Variants in MAP3K13 observed in about 807,000 individuals in gnomAD.
MAP3K13 encodes mitogen-activated protein kinase kinase kinase 13, also known as leucine zipper-bearing kinase.
In MAP3K13, 52 loss-of-function variants were observed where a neutral mutation model predicts 104.0. The observed-to-expected ratio is 0.50, with a 90% CI of 0.40 to 0.63. MAP3K13 has a LOEUF of 0.63. MAP3K13 is among the 20% of genes least tolerant of loss of function. MAP3K13 has a pLI of 0.00. For synonymous variants in MAP3K13, 394 were observed against 442.2 expected, an observed-to-expected ratio of 0.89 and a Z score of 1.37; for missense variants, 914 against 1,218.5, an observed-to-expected ratio of 0.75 and a Z score of 3.72.
At chr3:185,427,012 G>A (rs369805785) in intron 1 of MAP3K13, among the ~76,000 whole-genome samples, 8 of 152,182 alleles carry the variant, frequency 5.3e-5, no homozygotes, top group South Asian at 2.1e-4. Flanking sequence ...GTGAAGGAAG[G>A]AATGACTGTT....
At chr3:185,334,601 T>C (rs1289991652) in intron 2 of MAP3K13, among the ~76,000 whole-genome samples, 1 of 62,370 alleles carries the variant, frequency 1.6e-5, no homozygotes, top group African/African-American at 4.2e-5. Context: ...ACAATGGATT[T>C]TCTTTTTTTT....
chr3:185,332,230 C>CA (rs1722312826), intron 2 of MAP3K13, among the ~76,000 whole-genome samples: 1 of 151,090 alleles, frequency 6.6e-6, no homozygotes, highest in South Asian at 2.1e-4. Flanking sequence ...GTGTACTCCC[C>CA]CCCCCCATTA....
intron 2 of MAP3K13, among the ~76,000 whole-genome samples, chr3:185,437,017 AAAAAAAAAAAAAAAAT>A (rs1173263267): frequency 3.3e-5 from 5 of 149,966 alleles, no homozygotes; most frequent in Non-Finnish European, 7.4e-5. Flanking sequence ...AAAAAAAAAA[AAAAAAAAAAAAAAAAT>A]TAGCAAAGAT....
chr3:185,433,698 C>T (rs756060474), intron 2 of MAP3K13, among the ~76,000 whole-genome samples: 81 of 152,108 alleles, frequency 5.3e-4, no homozygotes, highest in Non-Finnish European at 1.0e-3. Context: ...CTTTATTTTT[C>T]TATGGATAAT....
intron 2 of MAP3K13, among the ~76,000 whole-genome samples, chr3:185,314,113 C>A (rs145229815): frequency 6.6e-6 from 1 of 152,190 alleles, no homozygotes; most frequent in Non-Finnish European, 1.5e-5. Context: ...GCTGACATTG[C>A]GAATCCTGCA....
chr3:185,396,682 A>G (rs138487377), intron 1 of MAP3K13, among the ~76,000 whole-genome samples: 1 of 152,214 alleles, frequency 6.6e-6, no homozygotes, highest in Admixed American at 6.5e-5. Context: ...GTTCCTAAGG[A>G]CATAGGCCGA....
chr3:185,382,926 G>A (rs1007403350), intron 1 of MAP3K13, among the ~76,000 whole-genome samples: 1 of 151,326 alleles, frequency 6.6e-6, no homozygotes, highest in African/African-American at 2.4e-5. Flanking sequence ...TTAGTTACAT[G>A]TGTATACATG....
intron 4 of MAP3K13, 48 bp downstream of exon 4, chr3:185,443,684 A>C: frequency 6.5e-7 from 1 of 1,542,026 alleles, no homozygotes; most frequent in Admixed American, 1.7e-5. Context: ...GTTGTTTTGA[A>C]ATACAGAATT....
intron 1 of MAP3K13, among the ~76,000 whole-genome samples, chr3:185,414,692 G>T (rs1713643177): frequency 2.0e-5 from 3 of 152,128 alleles, no homozygotes; most frequent in Admixed American, 1.3e-4. Context: ...TGTTACTGAT[G>T]CTCTTCAACA....
intron 1 of MAP3K13, among the ~76,000 whole-genome samples, chr3:185,390,765 A>G (rs1711999132): frequency 6.6e-6 from 1 of 151,030 alleles, no homozygotes; most frequent in Non-Finnish European, 1.5e-5. Flanking sequence ...CTGGGACTAC[A>G]GGCGCCCACC....
At chr3:185,422,926 A>G (rs1447348368) in intron 1 of MAP3K13, among the ~76,000 whole-genome samples, 1 of 152,054 alleles carries the variant, frequency 6.6e-6, no homozygotes, top group Non-Finnish European at 1.5e-5. Flanking sequence ...CCTGAGCTCC[A>G]CCTCCTGTCA....
intron 2 of MAP3K13, among the ~76,000 whole-genome samples, chr3:185,331,630 T>C (rs929036116): frequency 3.3e-5 from 5 of 152,128 alleles, no homozygotes; most frequent in African/African-American, 1.2e-4. Context: ...GGTAAATCGT[T>C]GTATGACAAC....
intron 1 of MAP3K13, among the ~76,000 whole-genome samples, chr3:185,410,150 G>A (rs1159319497): frequency 1.3e-5 from 2 of 152,186 alleles, no homozygotes; most frequent in African/African-American, 4.8e-5. Context: ...CTGCTGTGCA[G>A]CCTGGTTCTT....
chr3:185,457,405 G>A (rs150919130), intron 7 of MAP3K13, among the ~76,000 whole-genome samples: 1 of 152,350 alleles, frequency 6.6e-6, no homozygotes, highest in East Asian at 1.9e-4. Context: ...TCTGGAGACT[G>A]AGAAGTCCAA....
intron 1 of MAP3K13, among the ~76,000 whole-genome samples, chr3:185,419,814 T>C (rs1187407220): frequency 6.6e-6 from 1 of 152,156 alleles, no homozygotes; most frequent in African/African-American, 2.4e-5. Context: ...ATCATTCCTT[T>C]GGTCAAGATG....
rs66889332 is a variant in MAP3K13, at chr3:185,309,512, CAAAA to C, written c.-86+23884_-86+23887del. On this transcript the variant is annotated intron_variant, in intron 2 of 14. Coordinates refer to the MAP3K13 transcript ENST00000424227. ...GGTGACAAAGCGAGACCTTGTCTCA[CAAAA>C]AAAAAAAAAAAAAAGAAAGAAAAAA... 6.0e-3 allele frequency among the ~76,000 whole-genome samples: 636 copies of C among 105,752 alleles called. 3 individuals are homozygous for C. Among genetic ancestry groups the C allele is most frequent in the African/African-American group, 0.017 (484 of 28,866 alleles). The allele number at this position is 105,752 out of a possible 152,430, so 69.4% of individuals were successfully genotyped here. A position where few individuals can be genotyped will look rare whatever the true frequency, so the allele number is the denominator to read the frequency against.
chr3:185,436,477 C>T (rs1715034310), intron 2 of MAP3K13, among the ~76,000 whole-genome samples: 1 of 152,126 alleles, frequency 6.6e-6, no homozygotes, highest in African/African-American at 2.4e-5. Flanking sequence ...CCCAGTTCTA[C>T]CAGTTATCAG....
At chr3:185,463,832 A>T (rs1717255742) in intron 8 of MAP3K13, among the ~76,000 whole-genome samples, 173 bp downstream of exon 8, 1 of 152,058 alleles carries the variant, frequency 6.6e-6, no homozygotes, top group South Asian at 2.1e-4. Flanking sequence ...TCTCTTTCCT[A>T]TCCTTTCTTC....
intron 1 of MAP3K13, among the ~76,000 whole-genome samples, chr3:185,427,850 G>C (rs1355496490): frequency 6.6e-6 from 1 of 152,042 alleles, no homozygotes; most frequent in Non-Finnish European, 1.5e-5. Flanking sequence ...AGGCCGAGGG[G>C]GTTGGATCAC....
Sources: gnomAD v4.1 joint callset for allele counts (sites outside exome capture counted in the v4.1 genomes callset) on GRCh38, gnomAD v4.1.1 for gene constraint, MANE v1.5 for transcripts, NCBI Gene and HGNC (gene_info 2026-07-23, HGNC 2026-07-21) for gene names.